Variants in ARNT2 observed in about 807,000 individuals in gnomAD.
ARNT2 encodes the protein ARNT protein 2.
Under a neutral mutation model 91.7 loss-of-function variants are expected in ARNT2, and 36 were observed. That is an observed-to-expected ratio of 0.39 (90% confidence interval 0.30 to 0.52). The LOEUF (loss-of-function observed/expected upper bound fraction) is 0.52. ARNT2 is among the 20% of genes least tolerant of loss of function. The probability of loss-of-function intolerance (pLI) is 0.72; values close to 1 mark genes in which losing one functional copy is unlikely to be tolerated. For synonymous variants in ARNT2, 365 were observed against 347.1 expected (o/e 1.05, Z -0.57); for missense variants, 775 against 939.3 (o/e 0.83, Z 2.29).
intron 8 of ARNT2, among the ~76,000 whole-genome samples, chr15:80,525,357 CTG>C (rs1014441925): frequency 5.9e-5 from 9 of 152,188 alleles, no homozygotes; most frequent in African/African-American, 2.2e-4. Context: ...TATTAATACT[CTG>C]TTTCTTGATT....
intron 17 of ARNT2, 126 bp downstream of exon 17, chr15:80,581,530 ACCT>A: frequency 1.6e-6 from 2 of 1,237,504 alleles, no homozygotes; most frequent in Non-Finnish European, 2.3e-6. Context: ...GTTTCCAAGC[ACCT>A]CCTCTCTCTC....
chr15:80,432,749 A>G (rs1037067773), intron 1 of ARNT2, among the ~76,000 whole-genome samples: 1 of 152,050 alleles, frequency 6.6e-6, no homozygotes, highest in Non-Finnish European at 1.5e-5. Context: ...CTCTATAACC[A>G]GAAGGTATGG....
At chr15:80,527,422 C>G (rs1396927371) in intron 8 of ARNT2, among the ~76,000 whole-genome samples, 1 of 152,130 alleles carries the variant, frequency 6.6e-6, no homozygotes, top group Admixed American at 6.5e-5. Flanking sequence ...CTACTGAAAG[C>G]TTAGCAGGCA....
intron 1 of ARNT2, among the ~76,000 whole-genome samples, chr15:80,418,912 C>A (rs1371669912): frequency 6.6e-6 from 1 of 152,144 alleles, no homozygotes; most frequent in Non-Finnish European, 1.5e-5. Flanking sequence ...AAATATCTGC[C>A]CTTCATTCCT....
chr15:80,502,942 T>A (rs1897221084), intron 5 of ARNT2, among the ~76,000 whole-genome samples: 2 of 151,988 alleles, frequency 1.3e-5, no homozygotes, highest in South Asian at 4.2e-4. Context: ...AGAGACAGGA[T>A]TACAAAAGAA....
intron 3 of ARNT2, among the ~76,000 whole-genome samples, chr15:80,462,962 GT>G (rs1896583630): frequency 6.6e-6 from 1 of 152,156 alleles, no homozygotes; most frequent in African/African-American, 2.4e-5. Flanking sequence ...TTGTGGTGAT[GT>G]TTTAGTTTTA....
intron 8 of ARNT2, among the ~76,000 whole-genome samples, chr15:80,520,208 T>C (rs868065626): frequency 2.6e-5 from 4 of 152,108 alleles, no homozygotes; most frequent in Non-Finnish European, 1.5e-5. Context: ...CATAATCAAA[T>C]ATACAGTACC....
intron 1 of ARNT2, among the ~76,000 whole-genome samples, chr15:80,410,439 T>A (rs1189518307): frequency 6.6e-6 from 1 of 152,284 alleles, no homozygotes; most frequent in Non-Finnish European, 1.5e-5. Flanking sequence ...GGCTTCAGTA[T>A]TGGACAGCTG....
In ARNT2 at chr15:80,482,610, T is replaced by C. The variant is rs543947142; in HGVS notation, c.622+7387T>C. 2.0e-5 allele frequency among the ~76,000 whole-genome samples: 3 copies of C among 152,268 alleles called. No individual in the cohort carries two copies. The South Asian group carries it at 6.2e-4, about 32-fold the overall frequency. ...AAGCCTTGGCGTGACCCAATATCCC[T>C]GGGGCACCAGGAGCCAGAACAGCGT... On this transcript the variant is annotated intron_variant, in intron 5 of 18. Coordinates refer to ENST00000303329, the MANE Select transcript of ARNT2 (RefSeq NM_014862.4).
chr15:80,575,616 G>A (rs1051050430), intron 14 of ARNT2, among the ~76,000 whole-genome samples: 8 of 152,238 alleles, frequency 5.3e-5, no homozygotes, highest in African/African-American at 1.9e-4. Context: ...CCGTGTGGCT[G>A]TGGGTGAGCC....
At chr15:80,443,960 G>A (rs947381940) in intron 1 of ARNT2, among the ~76,000 whole-genome samples, 3 of 152,152 alleles carry the variant, frequency 2.0e-5, no homozygotes, top group Middle Eastern at 3.2e-3. Context: ...TGGAAAATTC[G>A]GCCTTGGCTT....
rs1237219318 is a variant in ARNT2 at position 80,597,413 on chromosome 15, C to A, written c.*3715C>A. ...TTGGCCTAAGTCGCTGTCTCCTAAC[C>A]TGCCGGGGTCATTCCCCACCAAACA... On this transcript the variant is annotated 3_prime_UTR_variant, in exon 19 of 19. Coordinates refer to ENST00000303329, the MANE Select transcript of ARNT2 (RefSeq NM_014862.4). 2 of 393,032 alleles carry A rather than the reference C, an allele frequency of 5.1e-6. No homozygotes were observed. The highest frequency in any genetic ancestry group is 1.0e-5 in the Non-Finnish European group (2 of 196,462). The allele number at this position is 393,032 out of a possible 1,614,324, so 24.3% of individuals were successfully genotyped here. A position where few individuals can be genotyped will look rare whatever the true frequency, so the allele number is the denominator to read the frequency against.
chr15:80,491,181 A>C (rs1897051602), intron 5 of ARNT2, among the ~76,000 whole-genome samples: 1 of 152,156 alleles, frequency 6.6e-6, no homozygotes, highest in Non-Finnish European at 1.5e-5. Context: ...CCATTGTATT[A>C]GTTAGTTTTC....
chr15:80,515,291 A>C (rs1219627762), intron 8 of ARNT2, among the ~76,000 whole-genome samples: 1 of 152,236 alleles, frequency 6.6e-6, no homozygotes, highest in Non-Finnish European at 1.5e-5. Context: ...GAAAATGTTC[A>C]TAGCAACATC....
At chr15:80,424,267 C>T (rs149293040) in intron 1 of ARNT2, among the ~76,000 whole-genome samples, 5 of 152,294 alleles carry the variant, frequency 3.3e-5, no homozygotes, top group African/African-American at 9.6e-5. Flanking sequence ...TCTGGGTTGT[C>T]CCCAGAAGGG....
At chr15:80,522,672 G>C (rs1336836164) in intron 8 of ARNT2, among the ~76,000 whole-genome samples, 1 of 151,536 alleles carries the variant, frequency 6.6e-6, no homozygotes, top group African/African-American at 2.4e-5. Flanking sequence ...TAAAAATATG[G>C]TATTGTAATC....
chr15:80,514,065 CT>C, intron 7 of ARNT2, 89 bp downstream of exon 7: 1 of 1,323,874 alleles, frequency 7.6e-7, no homozygotes, highest in Non-Finnish European at 1.1e-6. Context: ...AAAGAAGGGG[CT>C]TAGTGTGGTG....
intron 5 of ARNT2, among the ~76,000 whole-genome samples, chr15:80,502,178 G>A (rs1045316765): frequency 7.2e-5 from 11 of 152,224 alleles, no homozygotes; most frequent in African/African-American, 2.4e-4. Context: ...GAATGGGGAA[G>A]GTGAGAGGAC....
chr15:80,426,496 GTC>G (rs1224305325), intron 1 of ARNT2, among the ~76,000 whole-genome samples: 1 of 152,184 alleles, frequency 6.6e-6, no homozygotes. Context: ...GCAAAACACA[GTC>G]TCTCAATTGC....
Sources: gnomAD v4.1 joint callset for allele counts (sites outside exome capture counted in the v4.1 genomes callset) on GRCh38, gnomAD v4.1.1 for gene constraint, MANE v1.5 for transcripts, NCBI Gene and HGNC (gene_info 2026-07-23, HGNC 2026-07-21) for gene names.